PKD1L1: variants seen among roughly 807,000 people sequenced by gnomAD.
PKD1L1 encodes the protein polycystin 1 like 1, transient receptor potential channel interacting, also known as polycystin-1-like protein 1.
A neutral mutation model predicts 323.4 loss-of-function variants in PKD1L1; 236 were observed. The ratio of observed to expected loss-of-function variants is 0.73; its 90% CI spans 0.66 to 0.81. PKD1L1 has a LOEUF of 0.81. Among genes scored for constraint, PKD1L1 ranks in the 40% least tolerant of loss-of-function variants. PKD1L1 has a pLI of 0.00. For synonymous variants in PKD1L1, 1,344 were observed against 1,335.0 expected (o/e 1.01, Z -0.15); for missense variants, 3,320 against 3,508.0 (o/e 0.95, Z 1.35).
Position 47,877,512 on chromosome 7 carries a change from C to T in PKD1L1, c.3640G>A (p.Val1214Ile), listed in dbSNP as rs772420390. The stretch of plus-strand genomic sequence containing the variant: ...ACCGGTTTTCCAGACATGCAGAAGA[C>T]ACTGAAGACGGTGTGTGCTTCCAGA... ...HGLEAHTVFS[V>I]FCMSGKPDFH... Residue 1214 changes from valine to isoleucine, a missense_variant, in exon 22 of 57, where the codon GTC becomes ATC. Physicochemically the swap from Val to Ile is conservative, Grantham distance 29. Transcript: ENST00000289672. The T allele has an allele frequency of 7.4e-6, 12 of 1,613,882 alleles. No individual in the cohort carries two copies. The highest frequency in any genetic ancestry group is 9.3e-6 in the Non-Finnish European group (11 of 1,179,884).
At position 47,905,168 on chromosome 7, in the gene PKD1L1, G is replaced by T; in HGVS notation, c.1680C>A (p.Ser560Arg). The change falls in exon 11 of 57, where the codon AGC (serine) becomes AGA (arginine). Residue 560 changes from serine (S) to arginine (R), a missense_variant. Transcript: ENST00000289672. Reference protein sequence around the residue: ...TTSRSIKKRLSIPQWYRVMVK... With the variant: ...TTSRSIKKRLRIPQWYRVMVK... Reference sequence around the variant, plus strand: ...CTACTTTTACTGACCATTGGGGGATGCTGAGTCTTTTTTTAATGCTTCTTG... The same window carrying T: ...CTACTTTTACTGACCATTGGGGGATTCTGAGTCTTTTTTTAATGCTTCTTG... The T allele has an allele frequency of 6.2e-7, 1 of 1,613,922 alleles. No homozygotes were observed. The highest frequency in any genetic ancestry group is 8.5e-7 in the Non-Finnish European group (1 of 1,179,884).
intron 1 of PKD1L1, among the ~76,000 whole-genome samples, chr7:47,944,451 G>A (rs1280905140): frequency 6.6e-6 from 1 of 152,224 alleles, no homozygotes; most frequent in Non-Finnish European, 1.5e-5. Context: ...TTATAGCAAT[G>A]CAAGAATAGC....
At chr7:47,951,047 A>C (rs952827821), upstream of PKD1L1, among the ~76,000 whole-genome samples, 3 of 152,260 alleles carry the variant, frequency 2.0e-5, no homozygotes, top group Admixed American at 6.5e-5. Flanking sequence ...GTGCTGCTTA[A>C]GGTGAGACGT....
intron 34 of PKD1L1, among the ~76,000 whole-genome samples, chr7:47,842,199 A>G (rs1418416970): frequency 6.6e-6 from 1 of 152,316 alleles, no homozygotes; most frequent in East Asian, 1.9e-4. Flanking sequence ...TCTGAAAGAC[A>G]ATTTAAATAT....
intron 30 of PKD1L1, among the ~76,000 whole-genome samples, 159 bp from the exon 31 acceptor site, chr7:47,853,386 C>G (rs1414543527): frequency 1.3e-5 from 2 of 152,162 alleles, no homozygotes; most frequent in Non-Finnish European, 2.9e-5. Flanking sequence ...CTTAATTCCA[C>G]AACACCACCT....
chr7:47,800,156 T>C (rs888441793), intron 54 of PKD1L1, among the ~76,000 whole-genome samples: 1 of 152,182 alleles, frequency 6.6e-6, no homozygotes, highest in Non-Finnish European at 1.5e-5. Flanking sequence ...GTTTAAGCCA[T>C]GTATGACATG....
Position 47,801,091 on chromosome 7 carries a change from C to A in PKD1L1, c.7963-212G>T, listed in dbSNP as rs75557088. On this transcript the variant is annotated intron_variant, in intron 53 of 56. Coordinates refer to ENST00000289672, the MANE Select transcript of PKD1L1 (RefSeq NM_138295.5). Reference sequence around the variant, plus strand: ...CCCTCCTCCCACCCCACCAGCCTCCCACACTGTGGCTGGTCTCCCTCCTCC... The same window carrying A: ...CCCTCCTCCCACCCCACCAGCCTCCAACACTGTGGCTGGTCTCCCTCCTCC... Among the ~76,000 whole-genome samples, 7,766 of 152,116 alleles carry A rather than the reference C, an allele frequency of 0.051. 256 individuals are homozygous for A. The highest frequency in any genetic ancestry group is 0.14 in the South Asian group (684 of 4,802).
At chr7:47,828,346 G>A (rs1188406785) in intron 44 of PKD1L1, among the ~76,000 whole-genome samples, 2 of 151,966 alleles carry the variant, frequency 1.3e-5, no homozygotes, top group Non-Finnish European at 2.9e-5. Flanking sequence ...CAGCACAGCA[G>A]GGCACAGCTG....
At chr7:47,885,597 C>T in intron 18 of PKD1L1, 89 bp downstream of exon 18, 1 of 1,501,984 alleles carries the variant, frequency 6.7e-7, no homozygotes, top group East Asian at 2.3e-5. Flanking sequence ...TTGATGTGAT[C>T]TCACACCTTA....
the PKD1L1 span, among the ~76,000 whole-genome samples, chr7:47,959,792 A>G: frequency 1.4e-5 from 2 of 143,520 alleles, no homozygotes; most frequent in African/African-American, 2.6e-5. Flanking sequence ...CCGGGAGGTG[A>G]GGGGCGCCTC....
intron 26 of PKD1L1, among the ~76,000 whole-genome samples, chr7:47,864,504 T>C (rs1365097182): frequency 2.6e-5 from 4 of 152,224 alleles, no homozygotes; most frequent in Admixed American, 2.0e-4. Flanking sequence ...GCATGGATAG[T>C]ACGTGTTCTC....
intron 43 of PKD1L1, 46 bp from the exon 44 acceptor site, chr7:47,829,647 G>A (rs1785304134): frequency 1.3e-6 from 2 of 1,542,378 alleles, no homozygotes; most frequent in Non-Finnish European, 1.7e-6. Context: ...CTATGTCTGT[G>A]TTCATTCCAC....
chr7:47,917,404 T>TC (rs577212994), intron 7 of PKD1L1, among the ~76,000 whole-genome samples: 1 of 152,010 alleles, frequency 6.6e-6, no homozygotes, highest in Non-Finnish European at 1.5e-5. Flanking sequence ...AAAACATATG[T>TC]GGGGGAATGA....
At chr7:47,777,091 C>T (rs1344826356) in intron 56 of PKD1L1, among the ~76,000 whole-genome samples, 1 of 152,100 alleles carries the variant, frequency 6.6e-6, no homozygotes, top group Admixed American at 6.5e-5. Context: ...GGGGTTTTGC[C>T]ATGTTGGCCA....
In PKD1L1 at chr7:47,792,574, G is replaced by A. The variant is rs189872448; in HGVS notation, c.8526+53C>T. 4.1e-4 allele frequency: 620 copies of A among 1,523,222 alleles called. 1 individual carries two copies. Among genetic ancestry groups the A allele is most frequent in the Non-Finnish European group, 5.0e-4 (567 of 1,124,158 alleles). The allele number at this position is 1,523,222 out of a possible 1,614,324, so 94.4% of individuals were successfully genotyped here. On this transcript the variant is annotated intron_variant, in intron 56 of 56. Transcript: ENST00000289672. ...AAACAACTATTCCAAAACTCCTTTA[G>A]AACTTAAATTGCTATGAAGAAAATT... is the stretch of plus-strand genomic sequence containing the variant.
Position 47,831,356 on chromosome 7 carries a change from CG to C in PKD1L1, c.6338-5del. The C allele has an allele frequency of 6.2e-7, 1 of 1,609,806 alleles. No homozygotes were observed. Among genetic ancestry groups the C allele is most frequent in the Non-Finnish European group, 8.5e-7 (1 of 1,178,476 alleles). Reference sequence around the variant, plus strand: ...CCCTCCAAACCACTGCTGGGTGCTGCGGAAGAGTAGGACAGAGACAAGGCAG... The same window carrying C: ...CCCTCCAAACCACTGCTGGGTGCTGCGAAGAGTAGGACAGAGACAAGGCAG... On this transcript the variant is annotated splice_region_variant and splice_polypyrimidine_tract_variant and intron_variant, in intron 41 of 56. Coordinates refer to ENST00000289672, the MANE Select transcript of PKD1L1 (RefSeq NM_138295.5).
chr7:47,865,160 T>C (rs1217991393), intron 26 of PKD1L1, 56 bp downstream of exon 26: 6 of 1,271,950 alleles, frequency 4.7e-6, no homozygotes, highest in Non-Finnish European at 5.7e-6. Flanking sequence ...GAACTGATCA[T>C]GTCCCTCAAA....
At chr7:47,957,860 A>ATAT in the PKD1L1 span, among the ~76,000 whole-genome samples, 58 of 124,178 alleles carry the variant, frequency 4.7e-4, 2 homozygotes, top group South Asian at 9.4e-3. Context: ...CAATTAAAAA[A>ATAT]AAATATATAT....
At chr7:47,864,692 C>T (rs1414283086) in intron 26 of PKD1L1, among the ~76,000 whole-genome samples, 2 of 139,804 alleles carry the variant, frequency 1.4e-5, no homozygotes, top group Admixed American at 1.5e-4. Flanking sequence ...CCCTCCCTCC[C>T]CTCCCCTCCC....
Sources: allele counts gnomAD v4.1 joint callset (sites outside exome capture counted in the v4.1 genomes callset), GRCh38; gene constraint gnomAD v4.1.1; transcripts MANE v1.5; gene names NCBI Gene and HGNC (gene_info 2026-07-23, HGNC 2026-07-21).